Variants in CCNY observed in about 807,000 individuals in gnomAD.
The protein encoded by CCNY is cyclin Y.
CCNY carries 19 observed loss-of-function variants against 42.8 expected under a neutral mutation model. That is an observed-to-expected ratio of 0.44 (90% CI 0.31 to 0.65). The LOEUF is 0.65. Ranked by LOEUF, CCNY falls within the 30% of genes least tolerant of loss-of-function variation. CCNY has a pLI of 0.07. For missense variants in CCNY, 370 were observed against 437.3 expected (o/e 0.85, Z 1.37); for synonymous variants, 165 against 162.7 (o/e 1.01, Z -0.11).
chr10:35,336,949 G>C lies in CCNY; in HGVS notation c.-105G>C. ...CCCCCTCCCGTGGCGGCGAGCGGGCGGGCCTCCCCACACGCCCCCGCCGCC... is the reference window on the plus strand; with the variant it reads ...CCCCCTCCCGTGGCGGCGAGCGGGCCGGCCTCCCCACACGCCCCCGCCGCC... On this transcript the variant is annotated 5_prime_UTR_variant, in exon 1 of 10. Coordinates refer to ENST00000374704, the MANE Select transcript of CCNY (RefSeq NM_145012.6). 2 of 858,994 alleles carry C rather than the reference G, an allele frequency of 2.3e-6. No homozygotes were observed. The highest frequency in any genetic ancestry group is 1.1e-4 in the South Asian group (2 of 18,244). 53.2% of individuals were successfully genotyped at this position (858,994 alleles called of 1,614,324 possible). A position where few individuals can be genotyped will look rare whatever the true frequency, so the allele number is the denominator to read the frequency against.
intron 1 of CCNY, among the ~76,000 whole-genome samples, chr10:35,393,536 G>A (rs578031152): frequency 1.8e-4 from 27 of 152,286 alleles, no homozygotes; most frequent in African/African-American, 5.8e-4. Context: ...GAGACTTTGC[G>A]TGAAGGCTGG....
In CCNY at chr10:35,516,521, A is replaced by C. The variant is rs1840429021; in HGVS notation, c.265-2A>C. The C allele has an allele frequency of 6.2e-7, 1 of 1,608,370 alleles. No individual in the cohort carries two copies. The highest frequency in any genetic ancestry group is 8.5e-7 in the Non-Finnish European group (1 of 1,175,262). ...CTTAATCTTCTTGCTGTTGTTTTCT[A>C]GCATCCTCCAGGACAAATAGCAAGG... On this transcript the variant is annotated splice_acceptor_variant, in intron 3 of 9. Transcript: ENST00000374704. LOFTEE classifies it high-confidence loss of function.
intron 7 of CCNY, among the ~76,000 whole-genome samples, chr10:35,539,158 C>G (rs1840945696): frequency 6.6e-6 from 1 of 152,074 alleles, no homozygotes; most frequent in Non-Finnish European, 1.5e-5. Flanking sequence ...TCTTGATTAC[C>G]ATAGATTTGA....
At chr10:35,407,601 G>A (rs556731792) in intron 1 of CCNY, among the ~76,000 whole-genome samples, 2 of 152,242 alleles carry the variant, frequency 1.3e-5, no homozygotes, top group East Asian at 1.9e-4. Flanking sequence ...AACCACTGTC[G>A]AGTTTGTATT....
At chr10:35,533,143 A>G (rs1011181773) in intron 7 of CCNY, among the ~76,000 whole-genome samples, 1 of 151,622 alleles carries the variant, frequency 6.6e-6, no homozygotes, top group Non-Finnish European at 1.5e-5. Flanking sequence ...ACCCTTCATC[A>G]CCTCTCCGTT....
At chr10:35,307,566 C>T (rs1027908931) in intron 3 of CCNY, among the ~76,000 whole-genome samples, 8 of 151,942 alleles carry the variant, frequency 5.3e-5, no homozygotes, top group South Asian at 2.1e-4. Flanking sequence ...AATCCTAAAA[C>T]GAGGCACAAT....
intron 3 of CCNY, among the ~76,000 whole-genome samples, chr10:35,309,165 G>A (rs145979731): frequency 0.011 from 1,678 of 152,288 alleles, 12 homozygotes; most frequent in Admixed American, 0.022. Context: ...AGTGGCTCAC[G>A]GCTAAAGTAA....
chr10:35,522,152 T>C (rs999423271), intron 4 of CCNY, among the ~76,000 whole-genome samples: 11 of 152,156 alleles, frequency 7.2e-5, no homozygotes, highest in African/African-American at 2.7e-4. Flanking sequence ...GGACAGAAGG[T>C]GGTGAGCACC....
chr10:35,477,824 A>G (rs371268478), intron 1 of CCNY, among the ~76,000 whole-genome samples: 316 of 152,106 alleles, frequency 2.1e-3, no homozygotes, highest in Middle Eastern at 3.4e-3. Flanking sequence ...AGGGTATTCA[A>G]TTAGGAAAAG....
intron 8 of CCNY, among the ~76,000 whole-genome samples, chr10:35,559,735 C>T (rs1052445219): frequency 1.3e-5 from 2 of 152,246 alleles, no homozygotes; most frequent in African/African-American, 4.8e-5. Flanking sequence ...TTGTGATATC[C>T]TCCAAGGAAA....
At chr10:35,460,792 C>T (rs1172312194) in intron 1 of CCNY, among the ~76,000 whole-genome samples, 4 of 152,288 alleles carry the variant, frequency 2.6e-5, no homozygotes, top group South Asian at 4.1e-4. Flanking sequence ...GTTATTTCCT[C>T]CTTTCATTAG....
intron 3 of CCNY, among the ~76,000 whole-genome samples, chr10:35,260,562 C>T (rs1050926710): frequency 4.6e-5 from 7 of 152,190 alleles, no homozygotes; most frequent in African/African-American, 1.7e-4. Context: ...GCTGGCTGTG[C>T]ATGAAAATTG....
chr10:35,449,897 G>A (rs1234775272), intron 1 of CCNY: 5 of 620,390 alleles, frequency 8.1e-6, no homozygotes, highest in East Asian at 1.4e-4. Flanking sequence ...ACCACTCAGG[G>A]CCTACCTGAG....
intron 1 of CCNY, among the ~76,000 whole-genome samples, chr10:35,362,543 G>A (rs948657356): frequency 8.5e-5 from 13 of 152,102 alleles, no homozygotes; most frequent in East Asian, 5.8e-4. Context: ...GGTCCATGTC[G>A]TGTAGGGACC....
At chr10:35,264,902 T>C (rs1305143437) in intron 3 of CCNY, among the ~76,000 whole-genome samples, 1 of 152,204 alleles carries the variant, frequency 6.6e-6, no homozygotes, top group Non-Finnish European at 1.5e-5. Flanking sequence ...GTGCTGGGAT[T>C]ACAGGCCTGA....
chr10:35,425,032 G>A (rs1443861584), intron 1 of CCNY, among the ~76,000 whole-genome samples: 1 of 152,196 alleles, frequency 6.6e-6, no homozygotes, highest in African/African-American at 2.4e-5. Flanking sequence ...GCTGCTGTGT[G>A]CTGTGTTCCC....
chr10:35,485,576 T>C (rs537490655), intron 2 of CCNY, among the ~76,000 whole-genome samples: 29 of 152,070 alleles, frequency 1.9e-4, no homozygotes, highest in African/African-American at 7.0e-4. Context: ...ATACAAAAAA[T>C]TAGCTGGGTG....
intron 3 of CCNY, among the ~76,000 whole-genome samples, chr10:35,503,371 CAG>C (rs1241984786): frequency 6.6e-6 from 1 of 152,146 alleles, no homozygotes; most frequent in Non-Finnish European, 1.5e-5. Flanking sequence ...TCTTACATAA[CAG>C]ATGACCCTGT....
chr10:35,454,399 A>G (rs942774001), intron 1 of CCNY, among the ~76,000 whole-genome samples: 2 of 152,232 alleles, frequency 1.3e-5, no homozygotes, highest in African/African-American at 2.4e-5. Flanking sequence ...GTTCACCTGG[A>G]ATGGACTGTG....
Sources: allele counts gnomAD v4.1 joint callset (sites outside exome capture counted in the v4.1 genomes callset), GRCh38; gene constraint gnomAD v4.1.1; transcripts MANE v1.5; gene names NCBI Gene and HGNC (gene_info 2026-07-23, HGNC 2026-07-21).